Variants in UHRF1 observed in about 807,000 individuals in gnomAD.
UHRF1 encodes ubiquitin like with PHD and ring finger domains 1, also known as E3 ubiquitin-protein ligase UHRF1.
UHRF1 carries 9 observed loss-of-function variants against 96.5 expected under a neutral mutation model. The ratio of observed to expected loss-of-function variants is 0.09; its 90% CI spans 0.06 to 0.16. UHRF1 has a LOEUF of 0.16. Ranked by LOEUF, UHRF1 falls within the 10% of genes least tolerant of loss-of-function variation. The pLI, the probability that UHRF1 is intolerant of heterozygous loss-of-function variation, is 1.00. For missense variants in UHRF1, 626 were observed against 1,131.1 expected (o/e 0.55, Z 6.40); for synonymous variants, 455 against 469.9 (o/e 0.97, Z 0.41).
chr19:4,947,070 G>A, intron 10 of UHRF1, 35 bp from the exon 11 acceptor site: 2 of 1,481,512 alleles, frequency 1.3e-6, no homozygotes, highest in Admixed American at 1.8e-5. Flanking sequence ...TTTTGCCTCT[G>A]CAGAGGGTTC....
chr19:4,934,122 CAGGT>C (rs1417770457), intron 5 of UHRF1, among the ~76,000 whole-genome samples: 1 of 151,634 alleles, frequency 6.6e-6, no homozygotes, highest in African/African-American at 2.4e-5. Context: ...CTTCCAGGTT[CAGGT>C]GATTCTCCTG....
At chr19:4,958,995 A>G (rs2033925859) in intron 16 of UHRF1, among the ~76,000 whole-genome samples, 1 of 149,904 alleles carries the variant, frequency 6.7e-6, no homozygotes, top group African/African-American at 2.5e-5. Context: ...AAAAACATTC[A>G]GAGACAGCAT....
chr19:4,933,406 C>T (rs1056584725), intron 5 of UHRF1, among the ~76,000 whole-genome samples: 18 of 152,066 alleles, frequency 1.2e-4, no homozygotes, highest in Non-Finnish European at 1.6e-4. Flanking sequence ...TTAGTAGAGA[C>T]GGGGTTTCAC....
At position 4,911,535 on chromosome 19, in the gene UHRF1, C is replaced by T. The variant is rs146955268; in HGVS notation, c.153+497C>T. Among the ~76,000 whole-genome samples, 354 of 152,248 alleles carry T rather than the reference C, an allele frequency of 2.3e-3. 1 individual carries two copies. Among genetic ancestry groups the T allele is most frequent in the African/African-American group, 8.1e-3 (336 of 41,536 alleles). On this transcript the variant is annotated intron_variant, in intron 2 of 16. Coordinates refer to ENST00000650932, the MANE Select transcript of UHRF1 (RefSeq NM_001048201.3). ...TAGCTTATTCAGAGTCTGGAGATGG[C>T]GCTTGCTAATCAGGAATTTCCGCCA... is the stretch of plus-strand genomic sequence containing the variant.
intron 2 of UHRF1, among the ~76,000 whole-genome samples, chr19:4,926,103 C>T (rs550612155): frequency 1.3e-5 from 2 of 151,656 alleles, no homozygotes; most frequent in South Asian, 4.2e-4. Context: ...ACCATGTTGG[C>T]CAGGCTGGTC....
intron 2 of UHRF1, among the ~76,000 whole-genome samples, chr19:4,919,058 A>C (rs1255704332): frequency 7.4e-6 from 1 of 134,366 alleles, no homozygotes; most frequent in Non-Finnish European, 1.6e-5. Flanking sequence ...ACAGTGTATC[A>C]GTGTCTCCCA....
At chr19:4,944,688 C>T (rs896978585) in intron 9 of UHRF1, among the ~76,000 whole-genome samples, 6 of 152,198 alleles carry the variant, frequency 3.9e-5, no homozygotes, top group Admixed American at 3.9e-4. Flanking sequence ...TAAGGTCATT[C>T]CCAAAGCTCC....
intron 10 of UHRF1, among the ~76,000 whole-genome samples, chr19:4,946,747 G>T (rs2033577599): frequency 6.6e-6 from 1 of 151,932 alleles, no homozygotes; most frequent in East Asian, 1.9e-4. Context: ...ACTAATTTTT[G>T]TATTTTTTTG....
At chr19:4,951,964 C>G (rs1215851766) in intron 13 of UHRF1, among the ~76,000 whole-genome samples, 1 of 152,202 alleles carries the variant, frequency 6.6e-6, no homozygotes, top group Non-Finnish European at 1.5e-5. Context: ...CTGATGTCCT[C>G]TACCCGAGGG....
At chr19:4,933,270 C>T (rs554310651) in intron 5 of UHRF1, among the ~76,000 whole-genome samples, 7 of 152,130 alleles carry the variant, frequency 4.6e-5, no homozygotes, top group East Asian at 3.9e-4. Context: ...GGCTGGAGTG[C>T]AGTGGTTCGA....
At position 4,936,779 on chromosome 19, in the gene UHRF1, C is replaced by T. The variant is rs183421894; in HGVS notation, c.785+3823C>T. Among the ~76,000 whole-genome samples the T allele has an allele frequency of 1.6e-3, 241 of 149,214 alleles. 2 individuals are homozygous for T. Among genetic ancestry groups the T allele is most frequent in the African/African-American group, 5.4e-3 (218 of 40,062 alleles). On this transcript the variant is annotated intron_variant, in intron 5 of 16. Coordinates refer to ENST00000650932, the MANE Select transcript of UHRF1 (RefSeq NM_001048201.3). ...CCGTGATCACACCACTGCCCTCCAGCCTAGGCAACAGCAAGAGAGTCTGCA... is the reference window on the plus strand; with the variant it reads ...CCGTGATCACACCACTGCCCTCCAGTCTAGGCAACAGCAAGAGAGTCTGCA...
chr19:4,928,787 A>G (rs1228103751), intron 2 of UHRF1, among the ~76,000 whole-genome samples: 1 of 152,120 alleles, frequency 6.6e-6, no homozygotes. Context: ...CCCAGTGGCG[A>G]CAACCACAAA....
At chr19:4,920,752 C>T (rs1021343699) in intron 2 of UHRF1, among the ~76,000 whole-genome samples, 1 of 152,156 alleles carries the variant, frequency 6.6e-6, no homozygotes, top group Admixed American at 6.6e-5. Context: ...TTACAGATGC[C>T]ATAACTATAA....
intron 5 of UHRF1, among the ~76,000 whole-genome samples, chr19:4,941,237 C>A (rs933687160): frequency 6.6e-6 from 1 of 151,622 alleles, no homozygotes; most frequent in Non-Finnish European, 1.5e-5. Context: ...ATTACATGCG[C>A]GCTTCTCCAA....
In UHRF1 at chr19:4,954,744, C is replaced by T. The variant is rs965597283; in HGVS notation, c.2052C>T (p.Ile684=). 9 of 1,613,838 alleles carry T rather than the reference C, an allele frequency of 5.6e-6. No homozygotes were observed. Among genetic ancestry groups the T allele is most frequent in the South Asian group, 3.3e-5 (3 of 91,074 alleles). ...YSLTAQQSSL[I]REDKSNAKLW... is the part of the protein sequence containing the mutation. The stretch of plus-strand genomic sequence containing the variant: ...TCACGGCCCAGCAGAGCAGCCTCAT[C>T]AGAGAGGACAAGAGCAACGCCAAGC... The change falls in exon 15 of 17, where the codon ATC becomes ATT. Residue 684 remains isoleucine, a synonymous_variant. Transcript: ENST00000650932. The surrounding 1 kb of genome is among the most constrained non-coding windows in gnomAD (Gnocchi z 5.9).
At chr19:4,956,935 C>A in intron 16 of UHRF1, 122 bp downstream of exon 16, 1 of 730,376 alleles carries the variant, frequency 1.4e-6, no homozygotes. Flanking sequence ...CACTCTGCAG[C>A]TTTTCTCGGG....
At chr19:4,958,426 G>T (rs2033911456) in intron 16 of UHRF1, among the ~76,000 whole-genome samples, 2 of 152,258 alleles carry the variant, frequency 1.3e-5, no homozygotes, top group African/African-American at 4.8e-5. Context: ...CAGAGGGCTG[G>T]CTGTGGGGGG....
chr19:4,944,518 C>T (rs2033506188), intron 9 of UHRF1, 68 bp downstream of exon 9: 9 of 1,576,288 alleles, frequency 5.7e-6, no homozygotes, highest in Non-Finnish European at 7.0e-6. Context: ...GGCAGTTTCT[C>T]CTGGCTTTGG....
At chr19:4,908,670 G>A (rs1316393341), upstream of UHRF1, among the ~76,000 whole-genome samples, 3 of 152,022 alleles carry the variant, frequency 2.0e-5, no homozygotes, top group African/African-American at 7.3e-5. Context: ...CTCTCTCCCC[G>A]CCTCCCACCA....
Sources: gnomAD v4.1 joint callset for allele counts (sites outside exome capture counted in the v4.1 genomes callset) on GRCh38, gnomAD v4.1.1 for gene constraint, Gnocchi (gnomAD v3.1) non-coding constraint, MANE v1.5 for transcripts, NCBI Gene and HGNC (gene_info 2026-07-23, HGNC 2026-07-21) for gene names.